The following AFAP1L2 variants were observed in gnomAD, a reference collection of about 807,000 sequenced individuals.
AFAP1L2 encodes actin filament-associated protein 1-like 2.
Under a neutral mutation model 99.3 loss-of-function variants are expected in AFAP1L2, and 46 were observed. The ratio of observed to expected loss-of-function variants is 0.46; its 90% confidence interval spans 0.37 to 0.59. The LOEUF is 0.59. AFAP1L2 is among the 20% of genes least tolerant of loss of function. AFAP1L2 has a pLI of 0.00. For missense variants in AFAP1L2, 959 were observed against 1,034.9 expected, an observed-to-expected ratio of 0.93 and a Z score of 1.01; for synonymous variants, 397 against 419.1, an observed-to-expected ratio of 0.95 and a Z score of 0.64.
intron 7 of AFAP1L2, among the ~76,000 whole-genome samples, chr10:114,310,893 G>T (rs2043132841): frequency 1.3e-5 from 2 of 152,142 alleles, no homozygotes; most frequent in South Asian, 4.1e-4. Flanking sequence ...GCTGCCTGAG[G>T]AGCAGGCCTG....
chr10:114,298,580 C>T (rs1328897998), intron 16 of AFAP1L2, among the ~76,000 whole-genome samples: 2 of 151,800 alleles, frequency 1.3e-5, no homozygotes, highest in South Asian at 4.2e-4. Flanking sequence ...CATGGTGGCT[C>T]ACGCTCACAC....
At chr10:114,299,976 C>T (rs558787238) in intron 15 of AFAP1L2, among the ~76,000 whole-genome samples, 278 of 152,320 alleles carry the variant, frequency 1.8e-3, no homozygotes, top group African/African-American at 6.3e-3. Flanking sequence ...GTCGGCTTCC[C>T]TACTTTTGAG....
At chr10:114,351,540 A>T (rs753719312) in intron 1 of AFAP1L2, among the ~76,000 whole-genome samples, 2 of 152,184 alleles carry the variant, frequency 1.3e-5, no homozygotes, top group Non-Finnish European at 2.9e-5. Flanking sequence ...CCAGCAATCC[A>T]AAGTGACCAC....
intron 12 of AFAP1L2, chr10:114,301,673 T>G (rs1173337690): frequency 1.8e-6 from 1 of 571,398 alleles, no homozygotes; most frequent in East Asian, 2.9e-5. Context: ...GTTCGAGATT[T>G]TCCTCCCAGA....
At chr10:114,369,179 G>T (rs2053729486) in intron 1 of AFAP1L2, among the ~76,000 whole-genome samples, 1 of 152,140 alleles carries the variant, frequency 6.6e-6, no homozygotes. Flanking sequence ...TTTATTGGCT[G>T]GGTGTAGTAA....
intron 1 of AFAP1L2, among the ~76,000 whole-genome samples, chr10:114,384,948 A>G (rs1167933905): frequency 6.6e-6 from 1 of 152,240 alleles, no homozygotes; most frequent in Non-Finnish European, 1.5e-5. Context: ...GACACTCTGC[A>G]GCACATTTTA....
chr10:114,286,490 C>T, the AFAP1L2 span: 27 of 1,583,188 alleles, frequency 1.7e-5, no homozygotes, highest in South Asian at 2.7e-4. Context: ...GCAGGGGAAG[C>T]TGTGCAGCCG....
chr10:114,319,760 G>T, intron 5 of AFAP1L2: 1 of 652,940 alleles, frequency 1.5e-6, no homozygotes, highest in Non-Finnish European at 2.3e-6. Context: ...CAACTCGGCT[G>T]CCAGTCCACC....
At position 114,308,466 on chromosome 10, in the gene AFAP1L2, C is replaced by T. The variant is rs1342964478; in HGVS notation, c.934G>A (p.Asp312Asn). 2.5e-6 allele frequency: 4 copies of T among 1,614,202 alleles called. No individual in the cohort carries two copies. The highest frequency in any genetic ancestry group is 3.4e-6 in the Non-Finnish European group (4 of 1,180,032). The change falls in exon 9 of 19, where the codon GAT becomes AAT. Residue 312 changes from aspartate (D) to asparagine (N), a missense_variant. By Grantham distance (23) the Asp-to-Asn change is conservative (BLOSUM62 1). Coordinates refer to ENST00000304129, the MANE Select transcript of AFAP1L2 (RefSeq NM_001001936.3). ...GTTTCTGGGACCTCAGGGTGGCCAT[C>T]CACGGAGCTCCCATACTCTGAAGCC... ...LSASEYGSSV[D>N]GHPEVPETKD...
At chr10:114,367,236 C>T (rs928352298) in intron 1 of AFAP1L2, among the ~76,000 whole-genome samples, 8 of 152,126 alleles carry the variant, frequency 5.3e-5, no homozygotes, top group Non-Finnish European at 7.3e-5. Flanking sequence ...GACAAATAGC[C>T]CTTCTGGAAA....
chr10:114,331,896 C>A lies in AFAP1L2; in HGVS notation c.222G>T (p.Ala74=), dbSNP rs1056689188. The change falls in exon 4 of 19, where the codon GCG becomes GCT. Residue 74 remains alanine, a splice_region_variant and synonymous_variant. Coordinates refer to ENST00000304129, the MANE Select transcript of AFAP1L2 (RefSeq NM_001001936.3). ...KQQNAESQGK[A]PEEQGLLPNG... ...TGGGTAGCAGGCCCTGCTCCTCAGG[C>A]GCTGCGGGCAGCAAAAGGAAAAGGC... 1.5e-6 allele frequency: 2 copies of A among 1,301,644 alleles called. No individual in the cohort carries two copies. Among genetic ancestry groups the A allele is most frequent in the South Asian group, 2.5e-5 (1 of 39,232 alleles). 80.6% of individuals were successfully genotyped at this position (1,301,644 alleles called of 1,614,324 possible).
chr10:114,298,075 AG>A (rs1351036684), intron 16 of AFAP1L2, among the ~76,000 whole-genome samples: 2 of 152,184 alleles, frequency 1.3e-5, no homozygotes, highest in African/African-American at 4.8e-5. Flanking sequence ...TGAAGATTGG[AG>A]TTTAAAAAAA....
At chr10:114,339,747 C>T (rs1043652612) in intron 2 of AFAP1L2, among the ~76,000 whole-genome samples, 13 of 152,172 alleles carry the variant, frequency 8.5e-5, no homozygotes, top group Non-Finnish European at 1.6e-4. Flanking sequence ...GGCATGGTGG[C>T]TTACGCCTGT....
chr10:114,363,061 G>A (rs1397481500), intron 1 of AFAP1L2: 20 of 985,282 alleles, frequency 2.0e-5, no homozygotes, highest in Non-Finnish European at 2.2e-5. Context: ...CTCTCCGCTG[G>A]GGTCGGCCCC....
At chr10:114,394,474 C>T (rs2057481916) in intron 1 of AFAP1L2, among the ~76,000 whole-genome samples, 1 of 152,166 alleles carries the variant, frequency 6.6e-6, no homozygotes, top group African/African-American at 2.4e-5. Flanking sequence ...ACTCTATCCT[C>T]TGTGTCTTTC....
chr10:114,355,743 G>A (rs1238783620), intron 1 of AFAP1L2, among the ~76,000 whole-genome samples: 1 of 152,142 alleles, frequency 6.6e-6, no homozygotes, highest in Non-Finnish European at 1.5e-5. Context: ...GGACCAAGGT[G>A]GTTGGATCAC....
chr10:114,290,009 AAG>A, downstream of AFAP1L2: 1 of 373,080 alleles, frequency 2.7e-6, no homozygotes. Context: ...AAAAAAAAAA[AAG>A]TCTGCCATGT....
chr10:114,332,207 T>A (rs2047344649), intron 3 of AFAP1L2, among the ~76,000 whole-genome samples: 1 of 152,196 alleles, frequency 6.6e-6, no homozygotes, highest in Non-Finnish European at 1.5e-5. Flanking sequence ...GGCCACTATA[T>A]TGAGCCACTC....
intron 1 of AFAP1L2, among the ~76,000 whole-genome samples, chr10:114,352,790 T>G (rs1236542541): frequency 6.6e-6 from 1 of 152,256 alleles, no homozygotes; most frequent in East Asian, 1.9e-4. Flanking sequence ...TCTCCATCCT[T>G]CTGCCTGTCT....
Sources: allele counts gnomAD v4.1 joint callset (sites outside exome capture counted in the v4.1 genomes callset), GRCh38; gene constraint gnomAD v4.1.1; transcripts MANE v1.5; gene names NCBI Gene and HGNC (gene_info 2026-07-23, HGNC 2026-07-21).